Variants in ENTREP2 observed in about 807,000 individuals in gnomAD.
ENTREP2 encodes protein ENTREP2.
the ENTREP2 span, among the ~76,000 whole-genome samples, chr15:29,643,715 A>G: frequency 6.7e-6 from 1 of 149,548 alleles, no homozygotes; most frequent in Non-Finnish European, 1.5e-5. Context: ...TGGGAGGCGG[A>G]GCTTGCAGTG....
chr15:29,413,216 T>G, the ENTREP2 span, among the ~76,000 whole-genome samples: 1 of 152,158 alleles, frequency 6.6e-6, no homozygotes, highest in African/African-American at 2.4e-5. Flanking sequence ...AGATAGTCCC[T>G]GTTTACATGA....
the ENTREP2 span, among the ~76,000 whole-genome samples, chr15:29,130,950 G>C: frequency 6.6e-6 from 1 of 152,220 alleles, no homozygotes; most frequent in Non-Finnish European, 1.5e-5. Flanking sequence ...GAAGGAGAGC[G>C]GGGAGAGGGC....
the ENTREP2 span, among the ~76,000 whole-genome samples, chr15:29,386,303 A>C: frequency 6.6e-6 from 1 of 152,018 alleles, no homozygotes; most frequent in African/African-American, 2.4e-5. Flanking sequence ...ACCTGCAAAC[A>C]CTCAACCCTA....
At chr15:29,209,146 T>TA in the ENTREP2 span, among the ~76,000 whole-genome samples, 1 of 152,138 alleles carries the variant, frequency 6.6e-6, no homozygotes. Context: ...GTTCAGTACT[T>TA]ACAATGTGTG....
the ENTREP2 span, among the ~76,000 whole-genome samples, chr15:29,533,580 A>G: frequency 1.1e-4 from 17 of 152,292 alleles, no homozygotes; most frequent in Admixed American, 4.6e-4. Flanking sequence ...TGGTATATGC[A>G]ACCCAGAAAA....
At chr15:29,208,948 A>G in the ENTREP2 span, among the ~76,000 whole-genome samples, 7 of 152,188 alleles carry the variant, frequency 4.6e-5, no homozygotes, top group Non-Finnish European at 1.0e-4. Flanking sequence ...ATATGATTCT[A>G]TTTATAAAGC....
At chr15:29,652,258 G>C in the ENTREP2 span, among the ~76,000 whole-genome samples, 6 of 152,186 alleles carry the variant, frequency 3.9e-5, no homozygotes, top group African/African-American at 1.4e-4. Flanking sequence ...ACCCACCCCA[G>C]GGCCTTCTCC....
the ENTREP2 span, chr15:29,268,780 G>A: frequency 1.2e-5 from 19 of 1,591,926 alleles, no homozygotes; most frequent in Non-Finnish European, 1.4e-5. Context: ...GGGTCCCTCT[G>A]AATCCACCTT....
the ENTREP2 span, among the ~76,000 whole-genome samples, chr15:29,188,253 T>C: frequency 6.6e-6 from 1 of 152,248 alleles, no homozygotes; most frequent in Non-Finnish European, 1.5e-5. Context: ...TTCTTTCTTT[T>C]TTTAATTATA....
chr15:29,345,723 T>C, the ENTREP2 span, among the ~76,000 whole-genome samples: 1 of 151,102 alleles, frequency 6.6e-6, no homozygotes, highest in Non-Finnish European at 1.5e-5. Context: ...TGCTTCCTTG[T>C]CCTGGGCTCT....
the ENTREP2 span, chr15:29,235,282 T>C: frequency 2.1e-6 from 1 of 484,686 alleles, no homozygotes; most frequent in Non-Finnish European, 3.8e-6. Flanking sequence ...CACTTAATAA[T>C]GATTGGTCCT....
the ENTREP2 span, chr15:29,269,273 G>A: frequency 7.4e-6 from 12 of 1,614,174 alleles, no homozygotes; most frequent in Non-Finnish European, 1.0e-5. Context: ...TTGGGTTCAA[G>A]TTCCACCAGC....
chr15:29,165,866 C>CA, the ENTREP2 span, among the ~76,000 whole-genome samples: 1 of 151,902 alleles, frequency 6.6e-6, no homozygotes. Context: ...AGGACCTAAC[C>CA]AAAAAAGAAA....
At chr15:29,653,664 CT>C in the ENTREP2 span, among the ~76,000 whole-genome samples, 1 of 152,208 alleles carries the variant, frequency 6.6e-6, no homozygotes, top group African/African-American at 2.4e-5. Flanking sequence ...TGTAAGTTTC[CT>C]GAGGCCTCCC....
At chr15:29,458,676 T>C in the ENTREP2 span, among the ~76,000 whole-genome samples, 3 of 152,178 alleles carry the variant, frequency 2.0e-5, no homozygotes, top group Admixed American at 1.3e-4. Flanking sequence ...AGCACCATAA[T>C]GTCAAACAAT....
At chr15:29,454,095 C>T in the ENTREP2 span, among the ~76,000 whole-genome samples, 7 of 152,168 alleles carry the variant, frequency 4.6e-5, no homozygotes, top group Admixed American at 2.6e-4. Context: ...AGTATTCATC[C>T]TCCAGCACTC....
the ENTREP2 span, among the ~76,000 whole-genome samples, chr15:29,616,899 A>C: frequency 6.6e-6 from 1 of 151,998 alleles, no homozygotes; most frequent in Admixed American, 6.6e-5. Context: ...ATCTCTACTA[A>C]AAATACAAAA....
chr15:29,278,490 A>C, the ENTREP2 span, among the ~76,000 whole-genome samples: 1 of 152,214 alleles, frequency 6.6e-6, no homozygotes, highest in East Asian at 1.9e-4. Flanking sequence ...CCAGGCTTCA[A>C]GGTTGGGAGA....
At chr15:29,341,575 A>C in the ENTREP2 span, among the ~76,000 whole-genome samples, 4 of 152,212 alleles carry the variant, frequency 2.6e-5, no homozygotes, top group African/African-American at 9.6e-5. Flanking sequence ...ACACACGCTC[A>C]CATGTTCCAG....
Sources: gnomAD v4.1 joint callset for allele counts (sites outside exome capture counted in the v4.1 genomes callset) on GRCh38, gnomAD v4.1.1 for gene constraint, MANE v1.5 for transcripts, NCBI Gene and HGNC (gene_info 2026-07-23, HGNC 2026-07-21) for gene names.